IGSF11: variants seen among roughly 807,000 people sequenced by gnomAD.
The protein encoded by IGSF11 is CXADR like 1.
IGSF11 carries 22 observed loss-of-function variants against 41.0 expected under a neutral mutation model. The observed-to-expected ratio is 0.54, with a 90% confidence interval of 0.38 to 0.77. The LOEUF (loss-of-function observed/expected upper bound fraction) is 0.77. Ranked by LOEUF, IGSF11 falls within the 30% of genes least tolerant of loss-of-function variation. The pLI is 0.00. For missense variants in IGSF11, 444 were observed against 530.8 expected, an observed-to-expected ratio of 0.84 and a Z score of 1.61; for synonymous variants, 219 against 201.3, an observed-to-expected ratio of 1.09 and a Z score of -0.74.
chr3:118,975,665 C>T (rs748492581), intron 1 of IGSF11, among the ~76,000 whole-genome samples: 4 of 152,214 alleles, frequency 2.6e-5, no homozygotes, highest in Non-Finnish European at 5.9e-5. Context: ...GGTACACATA[C>T]ACCATGGAAT....
At chr3:119,108,163 A>G (rs1323723325), upstream of IGSF11, among the ~76,000 whole-genome samples, 3 of 151,416 alleles carry the variant, frequency 2.0e-5, no homozygotes, top group Non-Finnish European at 3.0e-5. Flanking sequence ...CATTGAATCT[A>G]TAAATTACCT....
At chr3:119,109,330 G>A (rs1317413617), upstream of IGSF11, among the ~76,000 whole-genome samples, 1 of 151,698 alleles carries the variant, frequency 6.6e-6, no homozygotes, top group Non-Finnish European at 1.5e-5. Context: ...GAGTGTATGT[G>A]TCGAGGAATT....
Position 119,034,566 on chromosome 3 carries a change from G to T in IGSF11, c.17C>A (p.Ser6Tyr). ...GAGGAGCAGCAAAGGCGCCAGAGGG[G>T]AACGCTGAGAAGTCATCCCGGGGCC... MTSQR[S>Y]PLAPLLLLSL... The change falls in exon 1 of 7, where the codon TCC becomes TAC. Residue 6 changes from serine (S) to tyrosine (Y), a missense_variant. Ser to Tyr is a moderately radical substitution (Grantham distance 144). Around this residue, in one of 3 missense-constraint regions of IGSF11, gnomAD observed 28 missense variants for 21.1 expected, o/e 1.33. Transcript: ENST00000393775. 6.3e-7 allele frequency: 1 copy of T among 1,592,552 alleles called. No homozygotes were observed. Among genetic ancestry groups the T allele is most frequent in the Non-Finnish European group, 8.5e-7 (1 of 1,170,630 alleles).
chr3:118,913,680 GAAC>G (rs1320197831), intron 4 of IGSF11, among the ~76,000 whole-genome samples: 1 of 152,036 alleles, frequency 6.6e-6, no homozygotes, highest in Non-Finnish European at 1.5e-5. Context: ...TAAGAAAATG[GAAC>G]ACAGAAAAAA....
chr3:119,143,918 CTTCTTGTT>C (rs1284682251), intron 1 of IGSF11, among the ~76,000 whole-genome samples: 1 of 151,758 alleles, frequency 6.6e-6, no homozygotes, highest in Non-Finnish European at 1.5e-5. Flanking sequence ...GACTTTATTT[CTTCTTGTT>C]TATAATATTT....
chr3:119,116,731 T>A (rs756300276), intron 1 of IGSF11, among the ~76,000 whole-genome samples: 1 of 152,212 alleles, frequency 6.6e-6, no homozygotes, highest in Non-Finnish European at 1.5e-5. Flanking sequence ...TTATAAGATA[T>A]GCAAATTCAC....
At position 118,978,472 on chromosome 3, in the gene IGSF11, T is replaced by G. The variant is rs1318110366; in HGVS notation, c.53-48197A>C. On this transcript the variant is annotated intron_variant, in intron 1 of 6. Transcript: ENST00000393775. ...ATGCCTGGTACCTCAACAATCCACC[T>G]GGAGGCAAAGAATAAGCCTGCCTGG... Among the ~76,000 whole-genome samples, 3 of 152,130 alleles carry G rather than the reference T, an allele frequency of 2.0e-5. No individual in the cohort carries two copies. In the East Asian group the frequency reaches 5.8e-4, roughly 29 times the overall value.
chr3:119,067,992 C>T lies in IGSF11; in HGVS notation c.49+37152G>A, dbSNP rs182063798. ...TTACCTGTTAGTAGATGTCAATATC[C>T]CTAGTAGATTCTAATGAGTAGCCAA... On this transcript the variant is annotated intron_variant, in intron 1 of 6. Coordinates refer to the IGSF11 transcript ENST00000354673. 1.9e-4 allele frequency among the ~76,000 whole-genome samples: 29 copies of T among 152,292 alleles called. 1 individual carries two copies. In the East Asian group the frequency reaches 5.4e-3, roughly 28 times the overall value.
intron 1 of IGSF11, among the ~76,000 whole-genome samples, chr3:119,045,143 C>G (rs1470491975): frequency 6.6e-6 from 1 of 152,124 alleles, no homozygotes; most frequent in Non-Finnish European, 1.5e-5. Flanking sequence ...GGGAGGAGCC[C>G]AGATGGCCAA....
intron 1 of IGSF11, among the ~76,000 whole-genome samples, chr3:118,954,351 T>C (rs187891938): frequency 6.6e-6 from 1 of 152,198 alleles, no homozygotes; most frequent in Admixed American, 6.5e-5. Context: ...AGCCTCCAGA[T>C]TTGTTCTTTT....
At chr3:119,125,264 G>A (rs906461374) in intron 1 of IGSF11, among the ~76,000 whole-genome samples, 1 of 152,170 alleles carries the variant, frequency 6.6e-6, no homozygotes, top group Non-Finnish European at 1.5e-5. Flanking sequence ...GCTGCGTTTG[G>A]AGGCTCCTGT....
At chr3:119,079,059 T>G (rs2076547450) in intron 1 of IGSF11, among the ~76,000 whole-genome samples, 1 of 152,006 alleles carries the variant, frequency 6.6e-6, no homozygotes, top group African/African-American at 2.4e-5. Context: ...TGACTATTAT[T>G]AAAAAGTTAA....
chr3:119,118,158 GT>G (rs2077284376), intron 1 of IGSF11, among the ~76,000 whole-genome samples: 1 of 152,212 alleles, frequency 6.6e-6, no homozygotes, highest in Non-Finnish European at 1.5e-5. Flanking sequence ...CCACTTGGCA[GT>G]GCCCCAGTAG....
At chr3:119,082,451 T>G (rs2076600439) in intron 1 of IGSF11, among the ~76,000 whole-genome samples, 1 of 152,190 alleles carries the variant, frequency 6.6e-6, no homozygotes, top group African/African-American at 2.4e-5. Flanking sequence ...TTACAGGTTC[T>G]AAGAACAGAG....
intron 1 of IGSF11, among the ~76,000 whole-genome samples, chr3:119,029,261 C>T (rs1009960009): frequency 1.3e-5 from 2 of 148,592 alleles, no homozygotes; most frequent in Admixed American, 1.4e-4. Flanking sequence ...CACACACACA[C>T]ACACACACAC....
intron 1 of IGSF11, among the ~76,000 whole-genome samples, chr3:119,092,238 G>A (rs2076774781): frequency 6.6e-6 from 1 of 152,000 alleles, no homozygotes; most frequent in Non-Finnish European, 1.5e-5. Context: ...AGTTTCTGAA[G>A]TAAAAATATT....
intron 1 of IGSF11, among the ~76,000 whole-genome samples, chr3:118,936,099 T>C (rs1385664993): frequency 6.6e-6 from 1 of 152,158 alleles, no homozygotes; most frequent in Non-Finnish European, 1.5e-5. Context: ...TTTTTGATGC[T>C]AAAATTTTTT....
intron 1 of IGSF11, among the ~76,000 whole-genome samples, chr3:119,017,039 C>CCAAAAAA (rs1553713302): frequency 4.5e-5 from 4 of 88,318 alleles, no homozygotes; most frequent in Non-Finnish European, 7.5e-5. Flanking sequence ...GGACGCAGGA[C>CCAAAAAA]AAAAAAAAAA....
chr3:118,988,763 C>G (rs1206352823), intron 1 of IGSF11, among the ~76,000 whole-genome samples: 1 of 152,170 alleles, frequency 6.6e-6, no homozygotes, highest in African/African-American at 2.4e-5. Flanking sequence ...AATGGCACTA[C>G]GAGTTCTATT....
Sources: gnomAD v4.1 joint callset for allele counts (sites outside exome capture counted in the v4.1 genomes callset) on GRCh38, gnomAD v4.1.1 for gene constraint, gnomAD v4.1.1 regional missense constraint, MANE v1.5 for transcripts, NCBI Gene and HGNC (gene_info 2026-07-23, HGNC 2026-07-21) for gene names.